The following GFRAL variants were observed in gnomAD, a reference collection of about 807,000 sequenced individuals.
The protein encoded by GFRAL is GDNF family receptor alpha like.
A neutral mutation model predicts 45.4 loss-of-function variants in GFRAL; 36 were observed. The ratio of observed to expected loss-of-function variants is 0.79; its 90% CI spans 0.61 to 1.05. The LOEUF is 1.05. Ranked by LOEUF, GFRAL falls within the 50% of genes least tolerant of loss-of-function variation. GFRAL has a pLI of 0.00. For synonymous variants in GFRAL, 166 were observed against 154.1 expected (o/e 1.08, Z -0.57); for missense variants, 507 against 467.5 (o/e 1.08, Z -0.78).
chr6:55,335,895 CTTTATTTTATTTTAT>C (rs143794858), intron 3 of GFRAL, among the ~76,000 whole-genome samples: 72,630 of 147,758 alleles, frequency 0.49, 19,041 homozygotes, highest in Non-Finnish European at 0.61. Flanking sequence ...ATTTCTTTGT[CTTTATTTTATTTTAT>C]TTTATTTTAT....
Position 55,333,870 on chromosome 6 carries a change from A to C in GFRAL, c.242A>C (p.Lys81Thr). The change falls in exon 3 of 9, where the codon AAA becomes ACA. Residue 81 changes from lysine (K) to threonine (T), a missense_variant. By Grantham distance (78) the Lys-to-Thr change is moderately conservative (BLOSUM62 -1). Transcript: ENST00000340465. ...QYLVESNFQFKECLCTDDFYC... is the reference protein window; with the variant it reads ...QYLVESNFQFTECLCTDDFYC... ...TTAGTGGAAAGCAATTTCCAATTTA[A>C]AGAGTGTCTTTGCACTGATGACTTC... The C allele has an allele frequency of 6.2e-7, 1 of 1,611,240 alleles. No homozygotes were observed. Among genetic ancestry groups the C allele is most frequent in the South Asian group, 1.1e-5 (1 of 90,790 alleles).
chr6:55,331,629 C>A, intron 1 of GFRAL, 86 bp from the exon 2 acceptor site: 1 of 1,229,862 alleles, frequency 8.1e-7, no homozygotes, highest in Non-Finnish European at 1.1e-6. Flanking sequence ...TTCCATAATT[C>A]TGCTCTTTAT....
chr6:55,387,025 A>G (rs1768689078), intron 6 of GFRAL, among the ~76,000 whole-genome samples: 1 of 152,142 alleles, frequency 6.6e-6, no homozygotes, highest in Non-Finnish European at 1.5e-5. Flanking sequence ...GTTGTTAAGG[A>G]AGGGGAAAAA....
chr6:55,379,594 CACAA>C (rs777598331), intron 6 of GFRAL, among the ~76,000 whole-genome samples: 317 of 115,344 alleles, frequency 2.7e-3, no homozygotes, highest in Middle Eastern at 9.3e-3. Flanking sequence ...CACACACACA[CACAA>C]ACTGTGGAAT....
At chr6:55,398,735 G>A (rs562170097) in intron 6 of GFRAL, among the ~76,000 whole-genome samples, 1 of 152,082 alleles carries the variant, frequency 6.6e-6, no homozygotes, top group Non-Finnish European at 1.5e-5. Flanking sequence ...AGGAGAAACT[G>A]AAGTTTTAGC....
intron 1 of GFRAL, among the ~76,000 whole-genome samples, chr6:55,328,599 G>C (rs999512915): frequency 2.0e-5 from 3 of 151,610 alleles, no homozygotes; most frequent in Non-Finnish European, 4.4e-5. Flanking sequence ...TTTTTATAAA[G>C]ATTGTTAATA....
intron 6 of GFRAL, among the ~76,000 whole-genome samples, chr6:55,391,917 C>G (rs2127365810): frequency 6.6e-6 from 1 of 152,286 alleles, no homozygotes; most frequent in Non-Finnish European, 1.5e-5. Context: ...CTACACTTCT[C>G]TCTTCTCGTC....
At chr6:55,361,480 C>A (rs1378462787) in intron 6 of GFRAL, among the ~76,000 whole-genome samples, 6 of 151,582 alleles carry the variant, frequency 4.0e-5, no homozygotes, top group Non-Finnish European at 5.9e-5. Context: ...TATAATGTAT[C>A]TTTTATATTC....
At chr6:55,401,349 C>T (rs1768893825) in intron 8 of GFRAL, among the ~76,000 whole-genome samples, 1 of 152,008 alleles carries the variant, frequency 6.6e-6, no homozygotes, top group South Asian at 2.1e-4. Context: ...CCTGTGTTGC[C>T]CCACACCTGG....
rs187453208 is a variant in GFRAL, at chr6:55,392,188, C to T, written c.953-6992C>T. Among the ~76,000 whole-genome samples, 3 of 152,204 alleles carry T rather than the reference C, an allele frequency of 2.0e-5. No homozygotes were observed. In the East Asian group the frequency reaches 5.8e-4, roughly 29 times the overall value. ...AAATTATTCTTATTTCCCACTAGTC[C>T]TCAAAGTGTACCATTTACCTGGTTG... On this transcript the variant is annotated intron_variant, in intron 6 of 8. Transcript: ENST00000340465.
chr6:55,350,003 C>A, intron 3 of GFRAL, 89 bp from the exon 4 acceptor site: 1 of 766,158 alleles, frequency 1.3e-6, no homozygotes, highest in Non-Finnish European at 2.3e-6. Flanking sequence ...TATATGTGGA[C>A]TTTACTCATT....
At chr6:55,380,687 A>G (rs1768596525) in intron 6 of GFRAL, among the ~76,000 whole-genome samples, 1 of 151,962 alleles carries the variant, frequency 6.6e-6, no homozygotes, top group Admixed American at 6.6e-5. Context: ...GACTAATACC[A>G]TGCAGCTCCC....
At chr6:55,334,877 T>C (rs532238171) in intron 3 of GFRAL, among the ~76,000 whole-genome samples, 5 of 152,346 alleles carry the variant, frequency 3.3e-5, no homozygotes, top group African/African-American at 1.2e-4. Flanking sequence ...TTTATTTTTC[T>C]TGAAGAGTAG....
chr6:55,356,109 T>C lies in GFRAL; in HGVS notation c.702-2779T>C, dbSNP rs944693666. 2.0e-4 allele frequency among the ~76,000 whole-genome samples: 31 copies of C among 152,164 alleles called. 1 individual carries two copies. The highest frequency in any genetic ancestry group is 1.2e-3 in the South Asian group (6 of 4,828). On this transcript the variant is annotated intron_variant, in intron 5 of 8. Transcript: ENST00000340465. ...ATGATGAAAAATCTTAATGTGTTGT[T>C]GCATTTGGTTTGCTAGGATTTTGTT...
At chr6:55,365,687 A>C in intron 6 of GFRAL, among the ~76,000 whole-genome samples, 1 of 146,042 alleles carries the variant, frequency 6.8e-6, no homozygotes, top group African/African-American at 2.6e-5. Flanking sequence ...TTCTGCATCT[A>C]TTGAGATAAT....
At chr6:55,378,677 C>T (rs949943745) in intron 6 of GFRAL, among the ~76,000 whole-genome samples, 1 of 151,536 alleles carries the variant, frequency 6.6e-6, no homozygotes, top group Non-Finnish European at 1.5e-5. Flanking sequence ...CCCTTTTCTA[C>T]AGTCTTCCAA....
At chr6:55,349,937 T>C (rs2127354853) in intron 3 of GFRAL, among the ~76,000 whole-genome samples, 155 bp from the exon 4 acceptor site, 1 of 152,246 alleles carries the variant, frequency 6.6e-6, no homozygotes, top group African/African-American at 2.4e-5. Context: ...CACATTAATT[T>C]TGAATATCAA....
intron 6 of GFRAL, among the ~76,000 whole-genome samples, chr6:55,369,180 A>G (rs1581751900): frequency 6.6e-6 from 1 of 152,178 alleles, no homozygotes; most frequent in East Asian, 1.9e-4. Context: ...AAAGCGCAGT[A>G]TTCGGGTGGG....
At chr6:55,357,731 C>T (rs1263340679) in intron 5 of GFRAL, among the ~76,000 whole-genome samples, 1 of 151,548 alleles carries the variant, frequency 6.6e-6, no homozygotes, top group Non-Finnish European at 1.5e-5. Context: ...ATTAAATATT[C>T]TTTAGTTCAT....
Sources: gnomAD v4.1 joint callset for allele counts (sites outside exome capture counted in the v4.1 genomes callset) on GRCh38, gnomAD v4.1.1 for gene constraint, MANE v1.5 for transcripts, NCBI Gene and HGNC (gene_info 2026-07-23, HGNC 2026-07-21) for gene names.